The following ABCA5 variants were observed in gnomAD, a reference collection of about 807,000 sequenced individuals.
The protein encoded by ABCA5 is ATP binding cassette subfamily A member 5, also known as cholesterol transporter ABCA5.
ABCA5 carries 163 observed loss-of-function variants against 206.0 expected under a neutral mutation model. The observed-to-expected ratio is 0.79, with a 90% confidence interval of 0.70 to 0.90. ABCA5 has a LOEUF of 0.90. ABCA5 is among the 40% of genes least tolerant of loss of function. The probability of loss-of-function intolerance (pLI) is 0.00; values close to 1 mark genes in which losing one functional copy is unlikely to be tolerated. For synonymous variants in ABCA5, 609 were observed against 613.8 expected, an observed-to-expected ratio of 0.99 and a Z score of 0.11; for missense variants, 1,859 against 1,912.9, an observed-to-expected ratio of 0.97 and a Z score of 0.53.
chr17:69,307,039 T>G (rs1304750143), intron 5 of ABCA5, 85 bp from the exon 6 acceptor site: 1 of 918,468 alleles, frequency 1.1e-6, no homozygotes, highest in Non-Finnish European at 1.5e-6. Context: ...ATCCCTAAAT[T>G]TGGTCAGTAA....
At position 69,308,372 on chromosome 17, in the gene ABCA5, TG is replaced by T. The variant is rs747799392; in HGVS notation, c.470-5del. 7.5e-6 allele frequency: 12 copies of T among 1,604,498 alleles called. No individual in the cohort carries two copies. In the South Asian group the frequency reaches 1.1e-4, roughly 15 times the overall value. ...TCACATGATTTTGAACAGCCAGCTA[TG>T]GGGGGAAGAATATGAGATCTAAGAT... On this transcript the variant is annotated splice_polypyrimidine_tract_variant and splice_region_variant and intron_variant, in intron 4 of 38. Transcript: ENST00000392676.
intron 28 of ABCA5, among the ~76,000 whole-genome samples, chr17:69,259,155 G>A (rs1173250757): frequency 6.6e-6 from 1 of 151,916 alleles, no homozygotes; most frequent in Non-Finnish European, 1.5e-5. Flanking sequence ...GTTCATAATA[G>A]CTGAATTCAT....
chr17:69,279,689 A>C (rs1205218294), intron 18 of ABCA5, among the ~76,000 whole-genome samples: 1 of 151,874 alleles, frequency 6.6e-6, no homozygotes, highest in Non-Finnish European at 1.5e-5. Flanking sequence ...ACAGAGATAT[A>C]GATCAATGGA....
rs577835108 is a variant in ABCA5 at position 69,272,511 on chromosome 17, TAAAAAA to T, written c.2765-1228_2765-1223del. Among the ~76,000 whole-genome samples, 10 of 148,084 alleles carry T rather than the reference TAAAAAA, an allele frequency of 6.8e-5. No individual in the cohort carries two copies. The South Asian group carries it at 2.1e-3, about 32-fold the overall frequency. On this transcript the variant is annotated intron_variant, in intron 20 of 38. Coordinates refer to ENST00000392676, the MANE Select transcript of ABCA5 (RefSeq NM_172232.4). ...GATATGATTTGAATCCAAGTTCCTT[TAAAAAA>T]AAAAGAAATATTTGAGATACATGTA...
chr17:69,279,893 T>C (rs1393303283), intron 18 of ABCA5, among the ~76,000 whole-genome samples: 1 of 152,148 alleles, frequency 6.6e-6, no homozygotes, highest in Non-Finnish European at 1.5e-5. Context: ...CAAGATGGAT[T>C]AAAGACTTAA....
At chr17:69,324,416 G>C (rs1185791573) in intron 1 of ABCA5, among the ~76,000 whole-genome samples, 1 of 152,154 alleles carries the variant, frequency 6.6e-6, no homozygotes, top group African/African-American at 2.4e-5. Context: ...CGGAGCAAGG[G>C]GTGCAGATGT....
intron 10 of ABCA5, among the ~76,000 whole-genome samples, chr17:69,295,129 T>TATA (rs1259119852): frequency 2.6e-5 from 4 of 152,178 alleles, no homozygotes; most frequent in Admixed American, 6.5e-5. Flanking sequence ...TATATTTACA[T>TATA]TATTATACTG....
intron 3 of ABCA5, among the ~76,000 whole-genome samples, chr17:69,311,821 C>T (rs746192855): frequency 3.3e-5 from 5 of 152,082 alleles, no homozygotes; most frequent in Non-Finnish European, 4.4e-5. Flanking sequence ...ATTCTTTCCT[C>T]CTACTCAGAA....
At position 69,285,971 on chromosome 17, in the gene ABCA5, T is replaced by C. The variant is rs1201909420; in HGVS notation, c.2199A>G (p.Gly733=). ...GGTCATTCTGTTGTAATAAAGTAGC[T>C]CCAGGTATATGTTGTTTAACCAGTG... ...LSSLVKQHIP[G]ATLLQQNDQQ... The change falls in exon 17 of 39, where the codon GGA becomes GGG. Residue 733 remains glycine, a synonymous_variant. Coordinates refer to ENST00000392676, the MANE Select transcript of ABCA5 (RefSeq NM_172232.4). 1 of 1,613,312 alleles carries C rather than the reference T, an allele frequency of 6.2e-7. No individual in the cohort carries two copies.
rs58369537 is a variant in ABCA5 at position 69,263,697 on chromosome 17, C to CTTTTTTTTTTTTTTTTTTTTTT, written c.3315+1037_3315+1038insAAAAAAAAAAAAAAAAAAAAAA. 1.0e-3 allele frequency among the ~76,000 whole-genome samples: 107 copies of CTTTTTTTTTTTTTTTTTTTTTT among 103,660 alleles called. 8 individuals carry two copies. The highest frequency in any genetic ancestry group is 1.9e-3 in the African/African-American group (44 of 22,694). 68.0% of individuals were successfully genotyped at this position (103,660 alleles called of 152,430 possible). A position where few individuals can be genotyped will look rare whatever the true frequency, so the allele number is the denominator to read the frequency against. On this transcript the variant is annotated intron_variant, in intron 24 of 38. Transcript: ENST00000392676. ...GGCTTTGTTCTTTTTACATGGATTC[C>CTTTTTTTTTTTTTTTTTTTTTT]TTTTTTTTTTTTTTTTTGATAAAAA...
At chr17:69,278,891 T>C (rs1178596642) in intron 18 of ABCA5, among the ~76,000 whole-genome samples, 2 of 151,210 alleles carry the variant, frequency 1.3e-5, no homozygotes, top group Non-Finnish European at 2.9e-5. Context: ...TATCTCAAAA[T>C]AATAAGAGCT....
chr17:69,289,830 T>C lies in ABCA5; in HGVS notation c.1782+32A>G, dbSNP rs1325007789. The C allele has an allele frequency of 2.0e-6, 3 of 1,517,058 alleles. No homozygotes were observed. In the South Asian group the frequency reaches 3.6e-5, roughly 18 times the overall value. 94.0% of individuals were successfully genotyped at this position (1,517,058 alleles called of 1,614,324 possible). On this transcript the variant is annotated intron_variant, in intron 13 of 38. Coordinates refer to ENST00000392676, the MANE Select transcript of ABCA5 (RefSeq NM_172232.4). ...ACAAAAGGTTATTGATTACAGGAAA[T>C]AAAAGTAAAGATTTCTATATGAATA...
Position 69,271,257 on chromosome 17 carries a change from T to A in ABCA5, c.2797A>T (p.Thr933Ser). 6.2e-7 allele frequency: 1 copy of A among 1,612,696 alleles called. No homozygotes were observed. Among genetic ancestry groups the A allele is most frequent in the South Asian group, 1.1e-5 (1 of 90,852 alleles). Residue 933 changes from threonine to serine, a missense_variant, in exon 21 of 39, where the codon ACA becomes TCA. Thr to Ser is a moderately conservative substitution (Grantham distance 58). Transcript: ENST00000392676. Reference protein sequence around the residue: ...SDISDLISFFTSQNIMVTMIN... With the variant: ...SDISDLISFFSSQNIMVTMIN... The stretch of plus-strand genomic sequence containing the variant: ...ATCGTCACCATTATGTTCTGGCTTG[T>A]GAAAAAGCTAATAAGATCACTGATA...
intron 1 of ABCA5, among the ~76,000 whole-genome samples, chr17:69,320,062 GAATT>G (rs2075850241): frequency 6.6e-6 from 1 of 152,058 alleles, no homozygotes; most frequent in South Asian, 2.1e-4. Context: ...ATGACTAAAA[GAATT>G]AATACATGAA....
chr17:69,266,567 TAA>T (rs762094025), intron 23 of ABCA5, among the ~76,000 whole-genome samples: 1,612 of 138,356 alleles, frequency 0.012, 12 homozygotes, highest in African/African-American at 0.016. Flanking sequence ...TAAAGTATAA[TAA>T]AAATATATAT....
intron 7 of ABCA5, among the ~76,000 whole-genome samples, chr17:69,303,807 T>TATATATACACACATATATATATATACAC (rs1474929503): frequency 1.9e-4 from 1 of 5,230 alleles, no homozygotes; most frequent in Non-Finnish European, 1.2e-3. Flanking sequence ...TATATATATA[T>TATATATACACACATATATATATATACAC]ACATACATAT....
chr17:69,303,785 A>ATGT lies in ABCA5; in HGVS notation c.931-880_931-879insACA, dbSNP rs1555584045. ...AAAAAAAAAAAAAAAAAAAAAAAAA[A>ATGT]ATATATATATATATATATATATACA... On this transcript the variant is annotated intron_variant, in intron 7 of 38. Transcript: ENST00000392676. Among the ~76,000 whole-genome samples, 2 of 4,748 alleles carry ATGT rather than the reference A, an allele frequency of 4.2e-4. 1 individual carries two copies. Among genetic ancestry groups the ATGT allele is most frequent in the East Asian group, 0.026 (2 of 76 alleles). 3.1% of individuals were successfully genotyped at this position (4,748 alleles called of 152,430 possible). A position where few individuals can be genotyped will look rare whatever the true frequency, so the allele number is the denominator to read the frequency against.
At chr17:69,289,808 A>C in intron 13 of ABCA5, 54 bp downstream of exon 13, 1 of 1,382,308 alleles carries the variant, frequency 7.2e-7, no homozygotes, top group Non-Finnish European at 9.9e-7. Context: ...AGTCATTACA[A>C]AAGGTTATTG....
At position 69,297,155 on chromosome 17, in the gene ABCA5, GTTCTTATAC is replaced by G. The variant is rs768492722; in HGVS notation, c.1436+27_1436+35del. On this transcript the variant is annotated intron_variant, in intron 10 of 38. Coordinates refer to ENST00000392676, the MANE Select transcript of ABCA5 (RefSeq NM_172232.4). ...ATAGGATTTAAATGTTTCATCAGCA[GTTCTTATAC>G]CTAAATTGCCAAAGATTGAACCATA... 1.0e-5 allele frequency: 16 copies of G among 1,582,860 alleles called. No individual in the cohort carries two copies. The Admixed American group carries it at 2.0e-4, about 20-fold the overall frequency.
Sources: allele counts gnomAD v4.1 joint callset (sites outside exome capture counted in the v4.1 genomes callset), GRCh38; gene constraint gnomAD v4.1.1; transcripts MANE v1.5; gene names NCBI Gene and HGNC (gene_info 2026-07-23, HGNC 2026-07-21).